Variants in USP40 observed in about 807,000 individuals in gnomAD.
The protein encoded by USP40 is ubiquitin carboxyl-terminal hydrolase 40.
In USP40, 143 loss-of-function variants were observed where a neutral mutation model predicts 166.2. The observed-to-expected ratio is 0.86, with a 90% confidence interval of 0.75 to 0.99. The LOEUF (loss-of-function observed/expected upper bound fraction) is 0.99, where lower values mean the gene tolerates loss of function less well. USP40 is among the 50% of genes least tolerant of loss of function. The pLI, the probability that USP40 is intolerant of heterozygous loss-of-function variation, is 0.00. For synonymous variants in USP40, 498 were observed against 524.0 expected (o/e 0.95, Z 0.68); for missense variants, 1,444 against 1,479.7 (o/e 0.98, Z 0.40).
Position 233,523,483 on chromosome 2 carries a change from C to T in USP40, c.1888G>A (p.Gly630Arg), listed in dbSNP as rs753216679. The T allele has an allele frequency of 6.2e-7, 1 of 1,611,708 alleles. No individual in the cohort carries two copies. The highest frequency in any genetic ancestry group is 1.7e-5 in the Admixed American group (1 of 59,886). The change falls in exon 16 of 32, where the codon GGA becomes AGA. Residue 630 changes from glycine to arginine, a missense_variant. Gly to Arg is a moderately radical substitution (Grantham distance 125). Transcript: ENST00000678225. ...TCAATACCAGTTTGAATGTGGACTC[C>T]ACCAACCTGCAATCATACCAAGACA... ...IFVWNGVEVG[G>R]VHIQTGIDCE...
At chr2:233,535,343 T>G (rs553600466) in intron 10 of USP40, among the ~76,000 whole-genome samples, 52 of 152,326 alleles carry the variant, frequency 3.4e-4, no homozygotes, top group Non-Finnish European at 3.1e-4. Flanking sequence ...AGCAAACTTT[T>G]TCTTAAAGAG....
At chr2:233,541,751 T>C (rs1389979072) in intron 9 of USP40, among the ~76,000 whole-genome samples, 1 of 152,166 alleles carries the variant, frequency 6.6e-6, no homozygotes, top group Non-Finnish European at 1.5e-5. Context: ...TTAAAAGTCA[T>C]CTACTTGAGA....
At chr2:233,514,454 T>C (rs2067046018) in intron 18 of USP40, among the ~76,000 whole-genome samples, 2 of 152,134 alleles carry the variant, frequency 1.3e-5, no homozygotes, top group South Asian at 4.1e-4. Flanking sequence ...TAAAGAGAGC[T>C]TGTGCACTGA....
chr2:233,566,643 C>T (rs1464079540), intron 1 of USP40, 41 bp downstream of exon 1: 1 of 974,214 alleles, frequency 1.0e-6, no homozygotes, highest in Non-Finnish European at 1.2e-6. Flanking sequence ...CCTACGCTTC[C>T]CACGTCCCTC....
In USP40 at chr2:233,523,306, A is replaced by C; in HGVS notation, c.2065T>G (p.Phe689Val). The change falls in exon 16 of 32, where the codon TTC (phenylalanine) becomes GTC (valine). Residue 689 changes from phenylalanine to valine, a missense_variant. Transcript: ENST00000678225. ...TALAIPAGVI[F>V]INSAGCPGGE... ...CCTGGACATCCAGCACTGTTGATGA[A>C]GATGACACCTGCTGGGATTGCTAAG... 1 of 1,614,022 alleles carries C rather than the reference A, an allele frequency of 6.2e-7. No homozygotes were observed. Among genetic ancestry groups the C allele is most frequent in the Non-Finnish European group, 8.5e-7 (1 of 1,179,888 alleles).
At chr2:233,556,371 A>AT (rs1362672566) in intron 5 of USP40, among the ~76,000 whole-genome samples, 2 of 152,156 alleles carry the variant, frequency 1.3e-5, no homozygotes, top group African/African-American at 4.8e-5. Context: ...TAGGATTACA[A>AT]TAGCTTTATA....
At chr2:233,479,070 G>A (rs531284037) in intron 31 of USP40, among the ~76,000 whole-genome samples, 1 of 152,246 alleles carries the variant, frequency 6.6e-6, no homozygotes, top group Non-Finnish European at 1.5e-5. Flanking sequence ...CAAACAGCAC[G>A]TGTGAGGCTT....
rs1421813492 is a variant in USP40, at chr2:233,494,944, A to T, written c.2791-1393T>A. 2.6e-3 allele frequency among the ~76,000 whole-genome samples: 114 copies of T among 43,492 alleles called. 3 individuals are homozygous for T. Among genetic ancestry groups the T allele is most frequent in the African/African-American group, 0.015 (107 of 7,232 alleles). The allele number at this position is 43,492 out of a possible 152,430, so 28.5% of individuals were successfully genotyped here. On this transcript the variant is annotated intron_variant, in intron 24 of 31. Coordinates refer to ENST00000678225, the MANE Select transcript of USP40 (RefSeq NM_001365479.2). ...TATATATATATATATATATATATATATATATATATATTTATATATATATAT... is the reference window on the plus strand; with the variant it reads ...TATATATATATATATATATATATATTTATATATATATTTATATATATATAT...
chr2:233,514,549 T>C (rs953325772), intron 18 of USP40, among the ~76,000 whole-genome samples: 1 of 152,028 alleles, frequency 6.6e-6, no homozygotes, highest in Non-Finnish European at 1.5e-5. Flanking sequence ...AGGGGTCAAA[T>C]TATTCAGGTT....
chr2:233,558,252 C>T (rs535005489), intron 4 of USP40, among the ~76,000 whole-genome samples: 8 of 151,724 alleles, frequency 5.3e-5, no homozygotes, highest in Non-Finnish European at 8.8e-5. Flanking sequence ...AGAGGGTTTT[C>T]TGCAAGATCT....
rs551338414 is a variant in USP40 at position 233,485,503 on chromosome 2, G to A, written c.3504+28C>T. ...CATGTGACCCTCGTGTCTTCTCAAA[G>A]TGGTAAATTTGCTGTTAAACAACTT... On this transcript the variant is annotated intron_variant, in intron 30 of 31. Transcript: ENST00000678225. The A allele has an allele frequency of 1.1e-5, 17 of 1,563,182 alleles. No homozygotes were observed. The South Asian group carries it at 1.6e-4, about 14-fold the overall frequency.
rs1373385424 is a variant in USP40, at chr2:233,523,261, T to C, written c.2110A>G (p.Ile704Val). Residue 704 changes from isoleucine to valine, a missense_variant, in exon 16 of 32, where the codon ATC (isoleucine) becomes GTC (valine). Physicochemically the swap from Ile to Val is conservative, Grantham distance 29. Transcript: ENST00000678225. Reference protein sequence around the residue: ...GCPGGEGWTAIPKEDMRKTFR... With the variant: ...GCPGGEGWTAVPKEDMRKTFR... ...GTCTTCCTCATGTCTTCCTTGGGGA[T>C]GGCCGTCCAACCCTCCCCACCTGGA... 6.2e-7 allele frequency: 1 copy of C among 1,613,906 alleles called. No homozygotes were observed. Among genetic ancestry groups the C allele is most frequent in the Non-Finnish European group, 8.5e-7 (1 of 1,179,888 alleles).
chr2:233,558,266 T>A (rs2071276282), intron 4 of USP40, among the ~76,000 whole-genome samples: 1 of 151,374 alleles, frequency 6.6e-6, no homozygotes, highest in Admixed American at 6.6e-5. Context: ...AAGATCTTAT[T>A]TAGACAAAAA....
chr2:233,563,355 G>A (rs2071835073), intron 2 of USP40, among the ~76,000 whole-genome samples: 1 of 152,172 alleles, frequency 6.6e-6, no homozygotes, highest in Admixed American at 6.5e-5. Flanking sequence ...TCTAGGTGAT[G>A]TGCCACCCAA....
rs2065449759 is a variant in USP40 at position 233,493,040 on chromosome 2, A to ACTC, written c.2917+382_2917+384dup. ...AGATTGGAAGACATGTAGGATGTGGACTCCTGGTCTCTGCCCCTGTGGGCT... is the reference window on the plus strand; with the variant it reads ...AGATTGGAAGACATGTAGGATGTGGACTCCTCCTGGTCTCTGCCCCTGTGGGCT... On this transcript the variant is annotated intron_variant, in intron 25 of 31. Transcript: ENST00000678225. The surrounding 1 kb of genome is among the most constrained non-coding windows in gnomAD (Gnocchi z 4.7). The ACTC allele has an allele frequency of 3.9e-6, 1 of 255,160 alleles. No homozygotes were observed. The highest frequency in any genetic ancestry group is 2.2e-5 in the African/African-American group (1 of 45,270). 15.8% of individuals were successfully genotyped at this position (255,160 alleles called of 1,614,324 possible).
At chr2:233,535,679 G>A (rs971933184) in intron 10 of USP40, among the ~76,000 whole-genome samples, 3 of 152,110 alleles carry the variant, frequency 2.0e-5, no homozygotes, top group African/African-American at 7.2e-5. Context: ...AAGCTCTTCA[G>A]AGAAAAATAA....
rs774589206 is a variant in USP40 at position 233,525,552 on chromosome 2, A to C, written c.1736T>G (p.Phe579Cys). The change falls in exon 14 of 32, where the codon TTT becomes TGT. Residue 579 changes from phenylalanine to cysteine, a missense_variant. Transcript: ENST00000678225. ...ACTAAGAACCATGTCTCCTTCCCAA[A>C]ATTCTAACAGCTGAAGAATATTAAT... ...LRQSIFQLLE[F>C]WEGDMVLSVA... 2 of 1,612,298 alleles carry C rather than the reference A, an allele frequency of 1.2e-6. No individual in the cohort carries two copies.
In USP40 at chr2:233,523,433, A is replaced by G; in HGVS notation, c.1938T>C (p.Val646=). ...GIDCEPLLLN[V]LHLDTSSDGE... The stretch of plus-strand genomic sequence containing the variant: ...CATCACTGCTTGTGTCTAGATGAAG[A>G]ACATTTAAAAGTAGAGGTTCGCAGT... The change falls in exon 16 of 32, where the codon GTT becomes GTC. Residue 646 remains valine (V), a synonymous_variant. Coordinates refer to ENST00000678225, the MANE Select transcript of USP40 (RefSeq NM_001365479.2). 6.2e-7 allele frequency: 1 copy of G among 1,614,022 alleles called. No individual in the cohort carries two copies.
chr2:233,564,218 G>A (rs531311923), intron 2 of USP40, among the ~76,000 whole-genome samples: 2 of 152,256 alleles, frequency 1.3e-5, no homozygotes, highest in East Asian at 3.9e-4. Flanking sequence ...AAGCTTAGAA[G>A]CAACAGAAGA....
Sources: allele counts gnomAD v4.1 joint callset (sites outside exome capture counted in the v4.1 genomes callset), GRCh38; gene constraint gnomAD v4.1.1; non-coding constraint Gnocchi (gnomAD v3.1); transcripts MANE v1.5; gene names NCBI Gene and HGNC (gene_info 2026-07-23, HGNC 2026-07-21).